Variants in FGF12 observed in about 807,000 individuals in gnomAD.
FGF12 encodes fibroblast growth factor 12.
Under a neutral mutation model 23.6 loss-of-function variants are expected in FGF12, and 14 were observed. That is an observed-to-expected ratio of 0.59 (90% CI 0.39 to 0.93). The LOEUF (loss-of-function observed/expected upper bound fraction) is 0.93. Among genes scored for constraint, FGF12 ranks in the 40% least tolerant of loss-of-function variants. The pLI, the probability that FGF12 is intolerant of heterozygous loss-of-function variation, is 0.00. For synonymous variants in FGF12, 62 were observed against 77.3 expected (o/e 0.80, Z 1.04); for missense variants, 175 against 217.8 (o/e 0.80, Z 1.24).
At chr3:192,680,411 G>A (rs912970233) in intron 2 of FGF12, among the ~76,000 whole-genome samples, 5 of 152,204 alleles carry the variant, frequency 3.3e-5, no homozygotes, top group Admixed American at 6.5e-5. Flanking sequence ...ACGGACTCCA[G>A]CAGGAAAGCA....
chr3:192,237,470 C>T (rs926250026), intron 4 of FGF12, among the ~76,000 whole-genome samples: 1 of 152,178 alleles, frequency 6.6e-6, no homozygotes, highest in African/African-American at 2.4e-5. Flanking sequence ...TCAGGAATGA[C>T]AACGAGTTAC....
chr3:192,568,049 T>G (rs1264197688), intron 2 of FGF12, among the ~76,000 whole-genome samples: 4 of 151,954 alleles, frequency 2.6e-5, no homozygotes, highest in Non-Finnish European at 5.9e-5. Flanking sequence ...GCCAGGCTGG[T>G]CTTGAACTCC....
chr3:192,565,751 A>G (rs886622996), intron 2 of FGF12, among the ~76,000 whole-genome samples: 12 of 152,184 alleles, frequency 7.9e-5, no homozygotes, highest in African/African-American at 2.9e-4. Context: ...AGACAGAACT[A>G]CCTAACAATG....
chr3:192,306,855 T>C (rs1436353519), intron 4 of FGF12, among the ~76,000 whole-genome samples: 3 of 152,230 alleles, frequency 2.0e-5, no homozygotes, highest in Admixed American at 6.5e-5. Context: ...TTTTCTAATC[T>C]CATAAAATGG....
chr3:192,666,070 G>C (rs541080525), intron 2 of FGF12, among the ~76,000 whole-genome samples: 9 of 152,200 alleles, frequency 5.9e-5, no homozygotes, highest in Admixed American at 2.0e-4. Flanking sequence ...AAGAGAGAAA[G>C]ATTTTTGGAA....
chr3:192,320,373 A>C (rs570223126), intron 4 of FGF12, among the ~76,000 whole-genome samples: 260 of 152,320 alleles, frequency 1.7e-3, no homozygotes, highest in African/African-American at 6.0e-3. Flanking sequence ...TAATAACCGG[A>C]GACTTCAATG....
rs78032137 is a variant in FGF12 at position 192,483,791 on chromosome 3, A to G, written c.14-123253T>C. Among the ~76,000 whole-genome samples the G allele has an allele frequency of 3.2e-4, 49 of 152,292 alleles. 1 individual carries two copies. In the East Asian group the frequency reaches 6.4e-3, roughly 20 times the overall value. Reference sequence around the variant, plus strand: ...ATATAAGCAGTACCCTAGAAGAAAAAAAATGTATTTTATTTGTGGTAAAGG... The same window carrying G: ...ATATAAGCAGTACCCTAGAAGAAAAGAAATGTATTTTATTTGTGGTAAAGG... On this transcript the variant is annotated intron_variant, in intron 2 of 5. Transcript: ENST00000445105.
intron 2 of FGF12, among the ~76,000 whole-genome samples, chr3:192,445,035 G>A (rs978251524): frequency 6.6e-6 from 1 of 152,194 alleles, no homozygotes; most frequent in Non-Finnish European, 1.5e-5. Flanking sequence ...TAGTATCTGG[G>A]CAGTAAATTC....
intron 2 of FGF12, among the ~76,000 whole-genome samples, chr3:192,626,285 A>G (rs1270554311): frequency 6.6e-6 from 1 of 152,216 alleles, no homozygotes; most frequent in Admixed American, 6.5e-5. Context: ...CAGGCAGTCA[A>G]TTAATTATCT....
intron 4 of FGF12, among the ~76,000 whole-genome samples, chr3:192,320,168 A>C (rs1716459172): frequency 6.6e-6 from 1 of 152,200 alleles, no homozygotes; most frequent in African/African-American, 2.4e-5. Flanking sequence ...ATTCCATGCA[A>C]ATGGAAACCA....
intron 3 of FGF12, among the ~76,000 whole-genome samples, chr3:192,344,990 G>C (rs1717883473): frequency 6.6e-6 from 1 of 152,166 alleles, no homozygotes; most frequent in Admixed American, 6.5e-5. Flanking sequence ...ACAGGTGACG[G>C]TCCATAAGAT....
intron 2 of FGF12, among the ~76,000 whole-genome samples, chr3:192,714,667 C>T (rs1416165312): frequency 1.3e-5 from 2 of 151,794 alleles, no homozygotes; most frequent in African/African-American, 2.4e-5. Flanking sequence ...TACAGGCGCC[C>T]GCCACTACGT....
At chr3:192,273,543 C>A (rs1414259040) in intron 4 of FGF12, among the ~76,000 whole-genome samples, 3 of 152,098 alleles carry the variant, frequency 2.0e-5, no homozygotes, top group Non-Finnish European at 2.9e-5. Context: ...AGGAGTCACG[C>A]AGCATCTCTT....
At chr3:192,468,674 T>C (rs1172193514) in intron 2 of FGF12, among the ~76,000 whole-genome samples, 4 of 152,336 alleles carry the variant, frequency 2.6e-5, no homozygotes, top group Admixed American at 2.6e-4. Flanking sequence ...GGTGACATCT[T>C]CCAGGTTTCT....
intron 5 of FGF12, among the ~76,000 whole-genome samples, chr3:192,167,769 AAAATTTT>A (rs1307399980): frequency 0.2 from 7,742 of 38,622 alleles, 1,281 homozygotes; most frequent in Non-Finnish European, 0.24. Flanking sequence ...ATATATATAT[AAAATTTT>A]TTTTTTTTTT....
chr3:192,391,185 T>C (rs1489677600), intron 2 of FGF12, among the ~76,000 whole-genome samples: 1 of 152,208 alleles, frequency 6.6e-6, no homozygotes, highest in African/African-American at 2.4e-5. Flanking sequence ...ATTATGATAG[T>C]TTTCAGACTG....
At chr3:192,334,285 G>A (rs1348705034) in intron 4 of FGF12, among the ~76,000 whole-genome samples, 2 of 151,990 alleles carry the variant, frequency 1.3e-5, no homozygotes, top group Non-Finnish European at 2.9e-5. Context: ...ATATTTGAGA[G>A]TATCAATTTC....
chr3:192,424,467 T>C (rs1482994477), intron 2 of FGF12, among the ~76,000 whole-genome samples: 1 of 152,200 alleles, frequency 6.6e-6, no homozygotes, highest in Non-Finnish European at 1.5e-5. Flanking sequence ...GCATTGCCTT[T>C]AATATATGTG....
intron 5 of FGF12, among the ~76,000 whole-genome samples, chr3:192,157,725 A>C (rs779503439): frequency 2.2e-4 from 34 of 152,346 alleles, no homozygotes; most frequent in Non-Finnish European, 4.9e-4. Flanking sequence ...AAGTATGAAA[A>C]AAGTAAAATC....
Sources: allele counts gnomAD v4.1 joint callset (sites outside exome capture counted in the v4.1 genomes callset), GRCh38; gene constraint gnomAD v4.1.1; transcripts MANE v1.5; gene names NCBI Gene and HGNC (gene_info 2026-07-23, HGNC 2026-07-21).